Variants in PCSK5 observed in about 807,000 individuals in gnomAD.
The protein encoded by PCSK5 is prohormone convertase 5.
A neutral mutation model predicts 233.2 loss-of-function variants in PCSK5; 129 were observed. That is an observed-to-expected ratio of 0.55 (90% CI 0.48 to 0.64). PCSK5 has a LOEUF of 0.64. Ranked by LOEUF, PCSK5 falls within the 30% of genes least tolerant of loss-of-function variation. The pLI, the probability that PCSK5 is intolerant of heterozygous loss-of-function variation, is 0.00. For missense variants in PCSK5, 2,076 were observed against 2,430.1 expected, an observed-to-expected ratio of 0.85 and a Z score of 3.06; for synonymous variants, 825 against 879.2, an observed-to-expected ratio of 0.94 and a Z score of 1.09.
intron 10 of PCSK5, among the ~76,000 whole-genome samples, chr9:76,151,666 C>G (rs913321612): frequency 6.6e-6 from 1 of 152,206 alleles, no homozygotes; most frequent in African/African-American, 2.4e-5. Flanking sequence ...TCACTTTCCC[C>G]TCAGGTTACC....
At chr9:76,017,596 TC>T (rs1043312302) in intron 3 of PCSK5, among the ~76,000 whole-genome samples, 17 of 152,138 alleles carry the variant, frequency 1.1e-4, no homozygotes, top group African/African-American at 4.1e-4. Context: ...TCTGCCCAAT[TC>T]CCTTTAGCTC....
At chr9:76,348,733 C>G (rs1830040762) in intron 35 of PCSK5, among the ~76,000 whole-genome samples, 1 of 152,096 alleles carries the variant, frequency 6.6e-6, no homozygotes, top group Non-Finnish European at 1.5e-5. Context: ...TAATAGATCT[C>G]AAAAACATGT....
intron 13 of PCSK5, among the ~76,000 whole-genome samples, chr9:76,173,530 T>TAA (rs1823429213): frequency 8.9e-6 from 1 of 111,756 alleles, no homozygotes; most frequent in East Asian, 2.3e-4. Context: ...TTTTTTTTTT[T>TAA]TTACTTTTTG....
At chr9:75,909,574 A>G (rs1822633693) in intron 1 of PCSK5, among the ~76,000 whole-genome samples, 1 of 151,412 alleles carries the variant, frequency 6.6e-6, no homozygotes, top group African/African-American at 2.4e-5. Flanking sequence ...GGGTGCCTGT[A>G]ATTCCAGCTA....
At chr9:76,055,989 T>A (rs1489198379) in intron 5 of PCSK5, among the ~76,000 whole-genome samples, 2 of 152,130 alleles carry the variant, frequency 1.3e-5, no homozygotes, top group Non-Finnish European at 2.9e-5. Context: ...TATTTCTGGC[T>A]CTCCTCTCTC....
At chr9:76,175,310 T>TAGAATAGAATAGAAC in intron 14 of PCSK5, 181 bp downstream of exon 14, 1 of 493,196 alleles carries the variant, frequency 2.0e-6, no homozygotes, top group Non-Finnish European at 3.6e-6. Flanking sequence ...TAGAATAGAA[T>TAGAATAGAATAGAAC]AGAACAGAAC....
At chr9:76,049,333 T>C (rs1049494279) in intron 5 of PCSK5, among the ~76,000 whole-genome samples, 3 of 152,200 alleles carry the variant, frequency 2.0e-5, no homozygotes, top group African/African-American at 7.2e-5. Context: ...TAATAAATTA[T>C]ACGTTTTGAA....
At chr9:76,211,643 G>A (rs550021888) in intron 20 of PCSK5, among the ~76,000 whole-genome samples, 1 of 152,292 alleles carries the variant, frequency 6.6e-6, no homozygotes, top group Admixed American at 6.5e-5. Context: ...AGGCCAAAAA[G>A]TTCAAGACTA....
chr9:75,992,045 A>G (rs1826789790), intron 3 of PCSK5, among the ~76,000 whole-genome samples: 1 of 152,142 alleles, frequency 6.6e-6, no homozygotes, highest in Admixed American at 6.5e-5. Context: ...GCAGTGAGCT[A>G]TGATTGCACC....
chr9:76,267,213 G>C (rs1326122061), intron 24 of PCSK5, among the ~76,000 whole-genome samples: 2 of 152,134 alleles, frequency 1.3e-5, no homozygotes, highest in African/African-American at 4.8e-5. Flanking sequence ...AACTGGTTCT[G>C]GGCTGTTCCC....
intron 1 of PCSK5, among the ~76,000 whole-genome samples, chr9:75,916,660 A>G (rs1823010995): frequency 6.6e-6 from 1 of 152,128 alleles, no homozygotes; most frequent in African/African-American, 2.4e-5. Context: ...TGAGGCTGGA[A>G]GGAAGGCCAG....
At chr9:76,164,716 A>T (rs1370636677) in intron 12 of PCSK5, among the ~76,000 whole-genome samples, 1 of 152,218 alleles carries the variant, frequency 6.6e-6, no homozygotes, top group Non-Finnish European at 1.5e-5. Context: ...CATTCTTATT[A>T]CTTTTGTGTC....
intron 1 of PCSK5, among the ~76,000 whole-genome samples, chr9:75,931,709 G>C (rs566353379): frequency 6.6e-6 from 1 of 152,306 alleles, no homozygotes; most frequent in South Asian, 2.1e-4. Context: ...GTAAATGAGA[G>C]GACTAGAATG....
intron 7 of PCSK5, among the ~76,000 whole-genome samples, chr9:76,091,185 T>C (rs1831271521): frequency 6.6e-6 from 1 of 152,180 alleles, no homozygotes; most frequent in African/African-American, 2.4e-5. Context: ...ATTTATTTTC[T>C]TATAGTTCTG....
chr9:76,296,964 G>A (rs1587845918), intron 27 of PCSK5, 99 bp downstream of exon 27: 2 of 772,478 alleles, frequency 2.6e-6, no homozygotes, highest in South Asian at 1.7e-5. Flanking sequence ...GGAGAGAAAG[G>A]CTGTGCAGAA....
intron 2 of PCSK5, among the ~76,000 whole-genome samples, chr9:75,959,844 G>A (rs886701191): frequency 6.6e-6 from 1 of 152,228 alleles, no homozygotes; most frequent in African/African-American, 2.4e-5. Flanking sequence ...AAATAGGAAT[G>A]AGTAAGGTAT....
intron 34 of PCSK5, among the ~76,000 whole-genome samples, chr9:76,333,905 G>A (rs531049912): frequency 6.6e-6 from 1 of 152,278 alleles, no homozygotes; most frequent in East Asian, 1.9e-4. Flanking sequence ...GTATAAATAA[G>A]ATGAGTAAAA....
intron 15 of PCSK5, 130 bp from the exon 16 acceptor site, chr9:76,181,268 G>A (rs560318318): frequency 1.8e-4 from 120 of 680,480 alleles, no homozygotes; most frequent in Non-Finnish European, 9.8e-5. Context: ...CTCTCTGGAT[G>A]TGGTGTTGGC....
chr9:76,091,498 G>A (rs1361939121), intron 7 of PCSK5, among the ~76,000 whole-genome samples: 1 of 152,154 alleles, frequency 6.6e-6, no homozygotes, highest in African/African-American at 2.4e-5. Flanking sequence ...TTAGCATAGG[G>A]GAACACAGTT....
Sources: allele counts gnomAD v4.1 joint callset (sites outside exome capture counted in the v4.1 genomes callset), GRCh38; gene constraint gnomAD v4.1.1; transcripts MANE v1.5; gene names NCBI Gene and HGNC (gene_info 2026-07-23, HGNC 2026-07-21).